The following NUDCD3 variants were observed in gnomAD, a reference collection of about 807,000 sequenced individuals.
NUDCD3 encodes nudC domain-containing protein 3.
In NUDCD3, 13 loss-of-function variants were observed where a neutral mutation model predicts 39.7. The observed-to-expected ratio is 0.33, with a 90% CI of 0.21 to 0.52. NUDCD3 has a LOEUF of 0.52. Among genes scored for constraint, NUDCD3 ranks in the 20% least tolerant of loss-of-function variants. NUDCD3 has a pLI of 0.96. For missense variants in NUDCD3, 453 were observed against 458.1 expected (o/e 0.99, Z 0.10); for synonymous variants, 175 against 172.4 (o/e 1.02, Z -0.12).
chr7:44,428,155 C>T (rs1799275941), intron 2 of NUDCD3, among the ~76,000 whole-genome samples: 2 of 146,200 alleles, frequency 1.4e-5, no homozygotes, highest in South Asian at 4.3e-4. Flanking sequence ...AAAAAAGAGG[C>T]CAGGCGTGGT....
chr7:44,427,545 C>T (rs2116902202), intron 3 of NUDCD3, 26 bp downstream of exon 3: 1 of 1,603,856 alleles, frequency 6.2e-7, no homozygotes, highest in African/African-American at 1.3e-5. Context: ...GTGAAGCCGC[C>T]CACCCCTACC....
At chr7:44,463,069 A>G (rs1800048936) in intron 2 of NUDCD3, among the ~76,000 whole-genome samples, 1 of 151,956 alleles carries the variant, frequency 6.6e-6, no homozygotes, top group African/African-American at 2.4e-5. Flanking sequence ...AGCTGCTGGC[A>G]CTGAATATAT....
At chr7:44,429,154 C>T (rs540128504) in intron 2 of NUDCD3, among the ~76,000 whole-genome samples, 65 of 152,322 alleles carry the variant, frequency 4.3e-4, no homozygotes, top group Non-Finnish European at 7.8e-4. Flanking sequence ...AGCTGGGCCT[C>T]CACCACGGCC....
At chr7:44,393,482 C>A (rs904033599) in intron 4 of NUDCD3, among the ~76,000 whole-genome samples, 2 of 152,142 alleles carry the variant, frequency 1.3e-5, no homozygotes, top group African/African-American at 4.8e-5. Flanking sequence ...GTCATACAGA[C>A]ACAGAAAACA....
At chr7:44,470,863 A>AAG (rs1800240883) in intron 2 of NUDCD3, among the ~76,000 whole-genome samples, 1 of 152,250 alleles carries the variant, frequency 6.6e-6, no homozygotes, top group East Asian at 1.9e-4. Flanking sequence ...TCAAAGTACA[A>AAG]CTCTGAGTTG....
At chr7:44,468,031 T>G (rs1260405215) in intron 2 of NUDCD3, 1 of 1,612,916 alleles carries the variant, frequency 6.2e-7, no homozygotes, top group South Asian at 1.1e-5. Context: ...ACAACAGGGT[T>G]CGTAGAAGAT....
intron 2 of NUDCD3, among the ~76,000 whole-genome samples, chr7:44,478,778 A>G (rs1800432449): frequency 6.6e-6 from 1 of 152,232 alleles, no homozygotes; most frequent in Non-Finnish European, 1.5e-5. Context: ...CCTGTACATT[A>G]TTATGTATAA....
intron 2 of NUDCD3, among the ~76,000 whole-genome samples, chr7:44,438,480 C>T (rs1483012800): frequency 1.3e-5 from 2 of 152,128 alleles, no homozygotes; most frequent in Non-Finnish European, 2.9e-5. Flanking sequence ...ACAGCTTACA[C>T]CCTAGATTCT....
intron 2 of NUDCD3, among the ~76,000 whole-genome samples, chr7:44,434,903 C>A (rs981923658): frequency 6.6e-6 from 1 of 152,182 alleles, no homozygotes; most frequent in Non-Finnish European, 1.5e-5. Flanking sequence ...AGGAACAAAC[C>A]ATTTAAAATG....
At chr7:44,485,564 C>T (rs1472077609) in intron 1 of NUDCD3, 1 of 326,818 alleles carries the variant, frequency 3.1e-6, no homozygotes, top group Non-Finnish European at 5.6e-6. Context: ...TCTTTGTTGT[C>T]ATTATTTTAC....
intron 2 of NUDCD3, among the ~76,000 whole-genome samples, chr7:44,431,632 T>C (rs73105354): frequency 2.7e-3 from 412 of 151,350 alleles, no homozygotes; most frequent in Non-Finnish European, 4.8e-3. Flanking sequence ...CCTGTTTGAG[T>C]GCTGCCACTA....
chr7:44,443,310 C>T (rs953375901), intron 2 of NUDCD3, among the ~76,000 whole-genome samples: 14 of 152,056 alleles, frequency 9.2e-5, no homozygotes, highest in African/African-American at 3.1e-4. Context: ...CAACTTGTTA[C>T]CTTTAAATTA....
chr7:44,419,040 T>C (rs984058945), intron 3 of NUDCD3, among the ~76,000 whole-genome samples: 2 of 152,054 alleles, frequency 1.3e-5, no homozygotes, highest in African/African-American at 4.8e-5. Flanking sequence ...GGTTTTTGTT[T>C]TTGTTTTCAT....
chr7:44,455,309 G>A (rs1487016962), intron 2 of NUDCD3, among the ~76,000 whole-genome samples: 1 of 152,070 alleles, frequency 6.6e-6, no homozygotes. Context: ...GTATGGCACT[G>A]CACGGGGTCC....
chr7:44,399,737 G>A (rs1798686249), intron 4 of NUDCD3, among the ~76,000 whole-genome samples: 1 of 152,192 alleles, frequency 6.6e-6, no homozygotes, highest in Non-Finnish European at 1.5e-5. Context: ...CACAGCAACA[G>A]CTCAGAGGCT....
At chr7:44,447,762 C>A (rs1254493885) in intron 2 of NUDCD3, among the ~76,000 whole-genome samples, 1 of 152,146 alleles carries the variant, frequency 6.6e-6, no homozygotes, top group Non-Finnish European at 1.5e-5. Flanking sequence ...TTCCTCAAAG[C>A]CATGGATCTT....
intron 5 of NUDCD3, among the ~76,000 whole-genome samples, chr7:44,387,914 G>A (rs1798428945): frequency 6.6e-6 from 1 of 152,178 alleles, no homozygotes; most frequent in African/African-American, 2.4e-5. Flanking sequence ...CTACCAGGCT[G>A]AAGAGATCCT....
Position 44,426,753 on chromosome 7 carries a change from G to A in NUDCD3, c.642+818C>T, listed in dbSNP as rs888080836. The stretch of plus-strand genomic sequence containing the variant: ...GGAGCTTGCAGTGAGCTGAGATCCC[G>A]CCACTGCACTCCAGCCTGGGCGACA... On this transcript the variant is annotated intron_variant, in intron 3 of 5. Coordinates refer to ENST00000355451, the MANE Select transcript of NUDCD3 (RefSeq NM_015332.4). 4.1e-5 allele frequency among the ~76,000 whole-genome samples: 6 copies of A among 145,324 alleles called. No homozygotes were observed. In the Admixed American group the frequency reaches 4.2e-4, roughly 10 times the overall value.
chr7:44,390,652 G>T (rs2331071), intron 5 of NUDCD3, among the ~76,000 whole-genome samples: 38,003 of 152,130 alleles, frequency 0.25, 5,845 homozygotes, highest in Non-Finnish European at 0.34. Flanking sequence ...TTCTCCCGAA[G>T]GTCAACTCAT....
Sources: gnomAD v4.1 joint callset for allele counts (sites outside exome capture counted in the v4.1 genomes callset) on GRCh38, gnomAD v4.1.1 for gene constraint, MANE v1.5 for transcripts, NCBI Gene and HGNC (gene_info 2026-07-23, HGNC 2026-07-21) for gene names.